The following RAD54L2 variants were observed in gnomAD, a reference collection of about 807,000 sequenced individuals.
RAD54L2 encodes the protein RAD54 like 2, also known as helicase ARIP4.
Under a neutral mutation model 138.4 loss-of-function variants are expected in RAD54L2, and 27 were observed. The ratio of observed to expected loss-of-function variants is 0.20; its 90% CI spans 0.14 to 0.27. The LOEUF (loss-of-function observed/expected upper bound fraction) is 0.27. RAD54L2 is among the 10% of genes least tolerant of loss of function. The pLI is 1.00. For missense variants in RAD54L2, 1,396 were observed against 1,890.2 expected (o/e 0.74, Z 4.85); for synonymous variants, 644 against 723.2 (o/e 0.89, Z 1.76).
rs1701594309 is a variant in RAD54L2, at chr3:51,656,128, C to G, written c.3184C>G (p.Gln1062Glu). ...CATGAACTTTCCCATCAACTACTTG[C>G]AGCGTGCAGGAGTCCTTGTGCAGAA... is the stretch of plus-strand genomic sequence containing the variant. Reference protein sequence around the residue: ...PSMNFPINYLQRAGVLVQKVV... With the variant: ...PSMNFPINYLERAGVLVQKVV... Residue 1062 changes from glutamine to glutamate, a missense_variant, in exon 20 of 23, where the codon CAG (glutamine) becomes GAG (glutamate). Physicochemically the swap from Gln to Glu is conservative, Grantham distance 29. Coordinates refer to ENST00000684192, the MANE Select transcript of RAD54L2 (RefSeq NM_015106.4). 2 of 1,613,946 alleles carry G rather than the reference C, an allele frequency of 1.2e-6. No homozygotes were observed. The highest frequency in any genetic ancestry group is 1.1e-5 in the South Asian group (1 of 91,074).
At chr3:51,612,199 T>C (rs1027810072) in intron 3 of RAD54L2, among the ~76,000 whole-genome samples, 4 of 152,196 alleles carry the variant, frequency 2.6e-5, no homozygotes, top group Non-Finnish European at 5.9e-5. Context: ...GTACAGTGGC[T>C]CATGCCTGTA....
intron 2 of RAD54L2, among the ~76,000 whole-genome samples, chr3:51,551,726 C>T (rs1698842092): frequency 6.6e-6 from 1 of 151,746 alleles, no homozygotes; most frequent in Non-Finnish European, 1.5e-5. Context: ...TGAGCCACTG[C>T]ACCCGGCCTG....
chr3:51,589,604 C>T (rs1423636615), intron 2 of RAD54L2, among the ~76,000 whole-genome samples: 1 of 151,692 alleles, frequency 6.6e-6, no homozygotes, highest in Non-Finnish European at 1.5e-5. Flanking sequence ...ACAGTTTCTA[C>T]TGAATGTGTG....
intron 6 of RAD54L2, 95 bp downstream of exon 6, chr3:51,630,483 T>C (rs1415055783): frequency 8.1e-7 from 1 of 1,231,902 alleles, no homozygotes; most frequent in Non-Finnish European, 1.2e-6. Flanking sequence ...CCTCCTTCAA[T>C]TTGGGATGTG....
At chr3:51,623,933 C>T (rs1465872272) in intron 3 of RAD54L2, among the ~76,000 whole-genome samples, 1 of 141,584 alleles carries the variant, frequency 7.1e-6, no homozygotes, top group Non-Finnish European at 1.5e-5. Flanking sequence ...TCCGAGATTG[C>T]GCCACACTGC....
chr3:51,605,701 C>G (rs1348856943), intron 3 of RAD54L2, among the ~76,000 whole-genome samples: 1 of 152,164 alleles, frequency 6.6e-6, no homozygotes, highest in African/African-American at 2.4e-5. Flanking sequence ...ATCCACCCGC[C>G]TCGGCCTCCC....
chr3:51,627,132 T>G (rs2106790527), intron 3 of RAD54L2, among the ~76,000 whole-genome samples: 1 of 152,308 alleles, frequency 6.6e-6, no homozygotes, highest in Non-Finnish European at 1.5e-5. Context: ...GTGAATGCTT[T>G]AAGACAGATG....
At chr3:51,560,199 C>T (rs972969015) in intron 2 of RAD54L2, among the ~76,000 whole-genome samples, 1 of 152,066 alleles carries the variant, frequency 6.6e-6, no homozygotes, top group South Asian at 2.1e-4. Flanking sequence ...TGGTTTTCAA[C>T]CTGGGCTTGT....
intron 2 of RAD54L2, among the ~76,000 whole-genome samples, chr3:51,586,672 G>A (rs550736028): frequency 4.6e-5 from 7 of 151,284 alleles, no homozygotes; most frequent in East Asian, 2.0e-4. Flanking sequence ...GGGTTCAGGC[G>A]ATTCTTCTGC....
In RAD54L2 at chr3:51,663,322, G is replaced by T; in HGVS notation, c.4306G>T (p.Val1436Leu). 2 of 1,613,820 alleles carry T rather than the reference G, an allele frequency of 1.2e-6. No homozygotes were observed. The highest frequency in any genetic ancestry group is 1.7e-6 in the Non-Finnish European group (2 of 1,179,862). The change falls in exon 23 of 23, where the codon GTG (valine) becomes TTG (leucine). Residue 1436 changes from valine to leucine, a missense_variant. By Grantham distance (32) the Val-to-Leu change is conservative. Transcript: ENST00000684192. ...YPAGGLLRSQ[V>L]PPFDSHEVAE... ...AGCTGGTGGCCTCCTACGGTCCCAG[G>T]TGCCTCCATTTGACTCTCATGAGGT... is the stretch of plus-strand genomic sequence containing the variant.
At chr3:51,659,263 G>A (rs1216188830) in intron 21 of RAD54L2, among the ~76,000 whole-genome samples, 2 of 151,566 alleles carry the variant, frequency 1.3e-5, no homozygotes, top group East Asian at 3.9e-4. Context: ...CCACCACCAC[G>A]CCCGGCTAAT....
chr3:51,549,442 T>C (rs1273409483), intron 2 of RAD54L2, among the ~76,000 whole-genome samples: 2 of 152,084 alleles, frequency 1.3e-5, no homozygotes, highest in Non-Finnish European at 2.9e-5. Context: ...GTAGGAGTCT[T>C]TCTCCTAATG....
chr3:51,600,584 C>G (rs1448727847), intron 3 of RAD54L2, among the ~76,000 whole-genome samples: 3 of 152,132 alleles, frequency 2.0e-5, no homozygotes, highest in Admixed American at 1.3e-4. Flanking sequence ...TGCACTCCAG[C>G]CTTGGTGACA....
At chr3:51,578,524 T>C (rs751962613) in intron 2 of RAD54L2, among the ~76,000 whole-genome samples, 1 of 152,132 alleles carries the variant, frequency 6.6e-6, no homozygotes, top group Non-Finnish European at 1.5e-5. Context: ...CTGATCTTCA[T>C]TGGTTCTGCT....
chr3:51,662,993 A>C lies in RAD54L2; in HGVS notation c.3977A>C (p.Tyr1326Ser). ...CTGTTTATGGGCAGTACCCCCTCCTACTACCAGCTGTCCAATTTGCTGGCA... is the reference window on the plus strand; with the variant it reads ...CTGTTTATGGGCAGTACCCCCTCCTCCTACCAGCTGTCCAATTTGCTGGCA... ...NSLFMGSTPS[Y>S]YQLSNLLADA... Residue 1326 changes from tyrosine (Y) to serine (S), a missense_variant, in exon 23 of 23, where the codon TAC (tyrosine) becomes TCC (serine). By Grantham distance (144) the Tyr-to-Ser change is moderately radical. Transcript: ENST00000684192. The surrounding 1 kb of genome is among the most constrained non-coding windows in gnomAD (Gnocchi z 4.6). 6.2e-7 allele frequency: 1 copy of C among 1,613,878 alleles called. No homozygotes were observed. The highest frequency in any genetic ancestry group is 8.5e-7 in the Non-Finnish European group (1 of 1,179,840).
rs1040027047 is a variant in RAD54L2, at chr3:51,662,525, C to T, written c.3509C>T (p.Pro1170Leu). Reference protein sequence around the residue: ...DPEGLARPVSPDSPEIISELQ... With the variant: ...DPEGLARPVSLDSPEIISELQ... ...GAGGGGCTGGCCAGGCCCGTCTCTC[C>T]TGACAGCCCAGAGATCATCAGTGAG... Residue 1170 changes from proline (P) to leucine (L), a missense_variant, in exon 23 of 23, where the codon CCT becomes CTT. Coordinates refer to ENST00000684192, the MANE Select transcript of RAD54L2 (RefSeq NM_015106.4). This position sits in a 1 kb window ranked among gnomAD's most constrained non-coding sequence, Gnocchi z 4.6. The T allele has an allele frequency of 6.8e-6, 11 of 1,613,578 alleles. No individual in the cohort carries two copies. Among genetic ancestry groups the T allele is most frequent in the Non-Finnish European group, 9.3e-6 (11 of 1,179,674 alleles).
chr3:51,656,512 G>T (rs572848739), intron 20 of RAD54L2, among the ~76,000 whole-genome samples: 2 of 152,066 alleles, frequency 1.3e-5, no homozygotes, highest in South Asian at 4.2e-4. Context: ...GACCCATCTG[G>T]GTATAAAAGA....
chr3:51,597,243 G>A (rs913194008), intron 3 of RAD54L2, among the ~76,000 whole-genome samples: 6 of 150,940 alleles, frequency 4.0e-5, no homozygotes. Flanking sequence ...CAAAGTCCAG[G>A]TCAGAAACTA....
At position 51,599,990 on chromosome 3, in the gene RAD54L2, G is replaced by A. The variant is rs560138876; in HGVS notation, c.139+9431G>A. Among the ~76,000 whole-genome samples, 91 of 151,438 alleles carry A rather than the reference G, an allele frequency of 6.0e-4. 4 individuals carry two copies. In the South Asian group the frequency reaches 0.017, roughly 28 times the overall value. Reference sequence around the variant, plus strand: ...GTCACCCAGGCTGGAGTGCAGTGGCGTGATCTCGGATCACTGCAACCTCCA... The same window carrying A: ...GTCACCCAGGCTGGAGTGCAGTGGCATGATCTCGGATCACTGCAACCTCCA... On this transcript the variant is annotated intron_variant, in intron 3 of 22. Transcript: ENST00000684192.
Sources: allele counts gnomAD v4.1 joint callset (sites outside exome capture counted in the v4.1 genomes callset), GRCh38; gene constraint gnomAD v4.1.1; non-coding constraint Gnocchi (gnomAD v3.1); transcripts MANE v1.5; gene names NCBI Gene and HGNC (gene_info 2026-07-23, HGNC 2026-07-21).